STK39: variants seen among roughly 807,000 people sequenced by gnomAD.
STK39 encodes STE20/SPS1-related proline-alanine-rich protein kinase.
A neutral mutation model predicts 77.8 loss-of-function variants in STK39; 20 were observed. The observed-to-expected ratio is 0.26, with a 90% CI of 0.18 to 0.37. The LOEUF (loss-of-function observed/expected upper bound fraction) is 0.37. STK39 is among the 10% of genes least tolerant of loss of function. STK39 has a pLI of 1.00. For synonymous variants in STK39, 246 were observed against 234.1 expected, an observed-to-expected ratio of 1.05 and a Z score of -0.47; for missense variants, 479 against 656.5, an observed-to-expected ratio of 0.73 and a Z score of 2.95.
chr2:168,085,691 A>G (rs1462188597), intron 10 of STK39, among the ~76,000 whole-genome samples: 1 of 152,204 alleles, frequency 6.6e-6, no homozygotes, highest in Non-Finnish European at 1.5e-5. Context: ...GATAGATAGC[A>G]AATTGTTTTT....
intron 10 of STK39, among the ~76,000 whole-genome samples, chr2:168,105,633 A>C (rs1453996673): frequency 6.6e-6 from 1 of 152,230 alleles, no homozygotes; most frequent in Non-Finnish European, 1.5e-5. Context: ...ATAAGCAAAC[A>C]CCATTTCTTA....
At chr2:168,009,504 G>C (rs570827802) in intron 16 of STK39, among the ~76,000 whole-genome samples, 1 of 152,260 alleles carries the variant, frequency 6.6e-6, no homozygotes, top group East Asian at 1.9e-4. Flanking sequence ...TGTCAACATT[G>C]GGGAGTCAAC....
intron 1 of STK39, among the ~76,000 whole-genome samples, chr2:168,241,214 A>G (rs1451078589): frequency 6.6e-6 from 1 of 152,210 alleles, no homozygotes; most frequent in Non-Finnish European, 1.5e-5. Flanking sequence ...AGAGGGAAAG[A>G]AGGAGACAGG....
chr2:168,120,005 C>T (rs1187741336), intron 10 of STK39, among the ~76,000 whole-genome samples: 3 of 152,148 alleles, frequency 2.0e-5, no homozygotes, highest in Admixed American at 1.3e-4. Context: ...CAGGCCTGTA[C>T]ACAGAAGCAT....
chr2:168,028,657 T>G (rs1421710737), intron 14 of STK39, among the ~76,000 whole-genome samples: 1 of 152,204 alleles, frequency 6.6e-6, no homozygotes, highest in African/African-American at 2.4e-5. Flanking sequence ...TGTAGATCAC[T>G]GTTCTTTTCA....
At chr2:167,969,388 A>G (rs1692259645) in intron 16 of STK39, among the ~76,000 whole-genome samples, 1 of 152,100 alleles carries the variant, frequency 6.6e-6, no homozygotes, top group South Asian at 2.1e-4. Flanking sequence ...ATAAAGTCCA[A>G]ATTTTTAACA....
At chr2:168,136,185 A>G (rs1172432671) in intron 8 of STK39, among the ~76,000 whole-genome samples, 1 of 151,800 alleles carries the variant, frequency 6.6e-6, no homozygotes, top group Non-Finnish European at 1.5e-5. Flanking sequence ...TGGCCAACAG[A>G]GTGAAACCCC....
intron 16 of STK39, among the ~76,000 whole-genome samples, chr2:167,979,071 A>T (rs1683351792): frequency 6.6e-6 from 1 of 152,156 alleles, no homozygotes; most frequent in African/African-American, 2.4e-5. Context: ...TTGTTTACAT[A>T]TTCACCTCTT....
In STK39 at chr2:168,173,086, T is replaced by C. The variant is rs184156218; in HGVS notation, c.322-5679A>G. ...CCTACTTGCGAGCTAAGTGCTGAAA[T>C]GTATTTTTCTTTCAATGAAATGGTG... is the stretch of plus-strand genomic sequence containing the variant. On this transcript the variant is annotated intron_variant, in intron 2 of 17. Transcript: ENST00000355999. Among the ~76,000 whole-genome samples the C allele has an allele frequency of 3.5e-3, 539 of 152,318 alleles. 5 individuals carry two copies. Among genetic ancestry groups the C allele is most frequent in the African/African-American group, 0.012 (515 of 41,584 alleles).
chr2:168,140,631 CT>C lies in STK39; in HGVS notation c.738+17del, dbSNP rs754075779. 3.8e-6 allele frequency: 6 copies of C among 1,576,450 alleles called. No individual in the cohort carries two copies. The highest frequency in any genetic ancestry group is 2.3e-5 in the South Asian group (2 of 86,434). On this transcript the variant is annotated intron_variant, in intron 6 of 17. Coordinates refer to ENST00000355999, the MANE Select transcript of STK39 (RefSeq NM_013233.3). ...TTGTACTATGTCCATCAAAAAGTCA[CT>C]TTTTTTGTTTTTTTACCTGTTCCAT...
chr2:168,101,473 C>T (rs1320066665), intron 10 of STK39, among the ~76,000 whole-genome samples: 1 of 152,164 alleles, frequency 6.6e-6, no homozygotes, highest in East Asian at 1.9e-4. Flanking sequence ...CGCTGTGGCT[C>T]ACACCTGTAA....
intron 14 of STK39, among the ~76,000 whole-genome samples, chr2:168,024,277 G>C (rs1212644010): frequency 6.6e-6 from 1 of 152,188 alleles, no homozygotes; most frequent in Non-Finnish European, 1.5e-5. Flanking sequence ...ATGGGGATCT[G>C]AGTTCAAAAC....
intron 4 of STK39, among the ~76,000 whole-genome samples, chr2:168,162,103 T>C (rs1688586655): frequency 6.6e-6 from 1 of 151,712 alleles, no homozygotes; most frequent in Admixed American, 6.6e-5. Context: ...CTGGAAAAAA[T>C]GGTGAAACCC....
chr2:168,021,068 G>A (rs2105325993), intron 14 of STK39, among the ~76,000 whole-genome samples: 1 of 152,062 alleles, frequency 6.6e-6, no homozygotes, highest in African/African-American at 2.4e-5. Context: ...AAAATGACAG[G>A]AAAAAAATGA....
At chr2:168,224,382 T>A (rs1450933460) in intron 1 of STK39, among the ~76,000 whole-genome samples, 3 of 152,114 alleles carry the variant, frequency 2.0e-5, no homozygotes, top group Non-Finnish European at 4.4e-5. Context: ...GGGAATATGG[T>A]TCAACTGTTT....
chr2:168,206,825 A>C (rs1689754961), intron 1 of STK39, among the ~76,000 whole-genome samples: 1 of 152,168 alleles, frequency 6.6e-6, no homozygotes, highest in South Asian at 2.1e-4. Flanking sequence ...GTATTCAAAG[A>C]CAGTGATCAA....
At chr2:168,019,861 G>A (rs1284485363) in intron 14 of STK39, among the ~76,000 whole-genome samples, 3 of 152,094 alleles carry the variant, frequency 2.0e-5, no homozygotes, top group Non-Finnish European at 4.4e-5. Flanking sequence ...GTGCTACCAC[G>A]CCCAGCTAAT....
chr2:168,025,656 C>T (rs1574402443), intron 14 of STK39, among the ~76,000 whole-genome samples: 2 of 152,338 alleles, frequency 1.3e-5, no homozygotes, highest in East Asian at 3.9e-4. Flanking sequence ...TAGTCCTTGG[C>T]AGACGAATGT....
intron 1 of STK39, 55 bp from the exon 2 acceptor site, chr2:168,182,145 A>G (rs770632707): frequency 2.7e-5 from 39 of 1,420,638 alleles, no homozygotes; most frequent in Middle Eastern, 3.5e-4. Context: ...TGAGGTTACT[A>G]TCTGTAACTA....
Sources: allele counts gnomAD v4.1 joint callset (sites outside exome capture counted in the v4.1 genomes callset), GRCh38; gene constraint gnomAD v4.1.1; transcripts MANE v1.5; gene names NCBI Gene and HGNC (gene_info 2026-07-23, HGNC 2026-07-21).